ZPBP: variants seen among roughly 807,000 people sequenced by gnomAD.
The protein encoded by ZPBP is zona pellucida binding protein.
ZPBP carries 26 observed loss-of-function variants against 44.8 expected under a neutral mutation model. The ratio of observed to expected loss-of-function variants is 0.58; its 90% CI spans 0.43 to 0.81. The LOEUF (loss-of-function observed/expected upper bound fraction) is 0.81, where lower values mean the gene tolerates loss of function less well. ZPBP is among the 30% of genes least tolerant of loss of function. ZPBP has a pLI of 0.00. For synonymous variants in ZPBP, 174 were observed against 153.2 expected (o/e 1.14, Z -1.00); for missense variants, 409 against 434.0 (o/e 0.94, Z 0.51).
chr7:49,950,001 A>C (rs1795267918), intron 7 of ZPBP, among the ~76,000 whole-genome samples: 1 of 151,914 alleles, frequency 6.6e-6, no homozygotes, highest in African/African-American at 2.4e-5. Flanking sequence ...CTTGTGACCC[A>C]ATATTAGATA....
At chr7:49,911,926 C>CACACACACACAT (rs1445273046) in intron 1 of ZPBP, 4 of 709,064 alleles carry the variant, frequency 5.6e-6, no homozygotes. Flanking sequence ...AATACACGCA[C>CACACACACACAT]ACACACACAC....
At chr7:50,022,094 CAAGCTGTCA>C (rs1469636238) in intron 5 of ZPBP, among the ~76,000 whole-genome samples, 1 of 151,962 alleles carries the variant, frequency 6.6e-6, no homozygotes, top group Non-Finnish European at 1.5e-5. Context: ...TCTGGCAAAA[CAAGCTGTCA>C]AAAATGAAGG....
chr7:50,051,627 C>T (rs1043017437), intron 4 of ZPBP, among the ~76,000 whole-genome samples: 3 of 152,026 alleles, frequency 2.0e-5, no homozygotes, highest in Non-Finnish European at 2.9e-5. Context: ...TACTATGCAG[C>T]CATAAAAAGG....
intron 4 of ZPBP, among the ~76,000 whole-genome samples, chr7:50,049,458 C>A (rs934151395): frequency 6.6e-6 from 1 of 151,516 alleles, no homozygotes; most frequent in African/African-American, 2.4e-5. Context: ...AAATCATACA[C>A]CATGACCAAG....
intron 3 of ZPBP, among the ~76,000 whole-genome samples, chr7:50,066,768 C>T (rs796883415): frequency 6.6e-6 from 1 of 152,166 alleles, no homozygotes; most frequent in Admixed American, 6.5e-5. Context: ...TAGAGCAGAG[C>T]TTGCAGGATC....
At chr7:49,871,336 G>T (rs181830870) in intron 2 of ZPBP, among the ~76,000 whole-genome samples, 5 of 152,016 alleles carry the variant, frequency 3.3e-5, no homozygotes, top group African/African-American at 1.2e-4. Flanking sequence ...AAACCCCTGC[G>T]CATTAAGGTA....
At chr7:49,891,556 G>C (rs1056017898) in intron 2 of ZPBP, among the ~76,000 whole-genome samples, 1 of 152,118 alleles carries the variant, frequency 6.6e-6, no homozygotes, top group Admixed American at 6.5e-5. Context: ...GGAAATGCAA[G>C]TTAAAGCCAC....
At chr7:50,023,296 G>T (rs1054147967) in intron 5 of ZPBP, among the ~76,000 whole-genome samples, 2 of 151,972 alleles carry the variant, frequency 1.3e-5, no homozygotes, top group African/African-American at 4.8e-5. Flanking sequence ...AGACTTACAG[G>T]ATGCTTACCC....
At chr7:50,050,604 A>T (rs1800638468) in intron 4 of ZPBP, among the ~76,000 whole-genome samples, 1 of 151,930 alleles carries the variant, frequency 6.6e-6, no homozygotes, top group Admixed American at 6.6e-5. Context: ...CACACTTTAC[A>T]CAAAAATTAA....
At chr7:49,881,447 C>T (rs974111311) in intron 2 of ZPBP, among the ~76,000 whole-genome samples, 4 of 152,146 alleles carry the variant, frequency 2.6e-5, no homozygotes, top group Non-Finnish European at 4.4e-5. Flanking sequence ...AGAGAGAGCA[C>T]TAATTGTGCC....
intron 2 of ZPBP, among the ~76,000 whole-genome samples, chr7:50,087,913 GCAGAAATTGA>G (rs1381153997): frequency 6.6e-6 from 1 of 151,820 alleles, no homozygotes; most frequent in Non-Finnish European, 1.5e-5. Context: ...AGACTTTTTT[GCAGAAATTGA>G]CAAGCTGATT....
At chr7:49,978,881 T>C (rs1478665016) in intron 7 of ZPBP, among the ~76,000 whole-genome samples, 1 of 152,042 alleles carries the variant, frequency 6.6e-6, no homozygotes, top group South Asian at 2.1e-4. Context: ...TAAACAAAAA[T>C]TATTATTATC....
chr7:49,890,309 T>A (rs1312265327), intron 2 of ZPBP, among the ~76,000 whole-genome samples: 4 of 152,196 alleles, frequency 2.6e-5, no homozygotes, highest in African/African-American at 9.7e-5. Context: ...CAGGGACACA[T>A]GCAAAATTGT....
intron 2 of ZPBP, among the ~76,000 whole-genome samples, chr7:49,869,513 C>T (rs1421162547): frequency 6.6e-6 from 1 of 152,142 alleles, no homozygotes. Context: ...GTTGCTGTAT[C>T]ATGATATTTC....
intron 4 of ZPBP, among the ~76,000 whole-genome samples, chr7:50,038,969 C>A (rs536252668): frequency 6.6e-6 from 1 of 152,158 alleles, no homozygotes; most frequent in Admixed American, 6.5e-5. Context: ...TGACACATTT[C>A]TCAGAATATA....
At chr7:49,948,505 A>C (rs1405264782) in intron 7 of ZPBP, among the ~76,000 whole-genome samples, 1 of 151,940 alleles carries the variant, frequency 6.6e-6, no homozygotes, top group African/African-American at 2.4e-5. Context: ...TTTTTTTTGA[A>C]TTTTAAACTC....
At chr7:49,948,375 G>A (rs1379179391) in intron 7 of ZPBP, among the ~76,000 whole-genome samples, 1 of 152,076 alleles carries the variant, frequency 6.6e-6, no homozygotes, top group African/African-American at 2.4e-5. Flanking sequence ...AATAAAGATT[G>A]GGTTCTATAA....
At chr7:49,962,449 C>T (rs145372465) in intron 7 of ZPBP, among the ~76,000 whole-genome samples, 6 of 151,562 alleles carry the variant, frequency 4.0e-5, no homozygotes, top group African/African-American at 1.5e-4. Context: ...ACCTGATTTA[C>T]GATTAAAAAT....
chr7:49,852,522 G>C (rs911637502), intron 2 of ZPBP, among the ~76,000 whole-genome samples: 5 of 152,076 alleles, frequency 3.3e-5, no homozygotes, highest in African/African-American at 7.2e-5. Flanking sequence ...CTTAAAATTG[G>C]GGGGGCAGAA....
Sources: allele counts gnomAD v4.1 joint callset (sites outside exome capture counted in the v4.1 genomes callset), GRCh38; gene constraint gnomAD v4.1.1; transcripts MANE v1.5; gene names NCBI Gene and HGNC (gene_info 2026-07-23, HGNC 2026-07-21).